SIL1: variants seen among roughly 807,000 people sequenced by gnomAD.
SIL1 encodes SIL1 nucleotide exchange factor.
SIL1 carries 40 observed loss-of-function variants against 49.1 expected under a neutral mutation model. The observed-to-expected ratio is 0.81, with a 90% CI of 0.63 to 1.06. The LOEUF (loss-of-function observed/expected upper bound fraction) is 1.06. SIL1 is among the 50% of genes least tolerant of loss of function. The pLI is 0.00. For missense variants in SIL1, 500 were observed against 572.6 expected (o/e 0.87, Z 1.29); for synonymous variants, 253 against 250.8 (o/e 1.01, Z -0.08).
At position 139,020,603 on chromosome 5, in the gene SIL1, C is replaced by T. The variant is rs569253108; in HGVS notation, c.767+568G>A. On this transcript the variant is annotated intron_variant, in intron 7 of 9. Transcript: ENST00000394817. ...CAGGTGGTGTAGAATGATGTGGTGC[C>T]TACATATCTTTTGGCATCTACTCTT... Among the ~76,000 whole-genome samples the T allele has an allele frequency of 2.0e-5, 3 of 152,250 alleles. No homozygotes were observed. In the South Asian group the frequency reaches 6.2e-4, roughly 32 times the overall value.
intron 1 of SIL1, chr5:139,137,431 C>A (rs1750997143): frequency 3.0e-6 from 2 of 667,606 alleles, no homozygotes; most frequent in Non-Finnish European, 5.5e-6. Context: ...CTCGAGGGGT[C>A]TGTGAAATCA....
intron 4 of SIL1, among the ~76,000 whole-genome samples, chr5:139,048,219 C>T (rs973655432): frequency 2.0e-5 from 3 of 151,894 alleles, no homozygotes; most frequent in Middle Eastern, 3.2e-3. Flanking sequence ...GGCATAATCA[C>T]GGCTTATTGC....
intron 1 of SIL1, among the ~76,000 whole-genome samples, chr5:139,153,474 G>A (rs569670652): frequency 2.0e-5 from 3 of 152,186 alleles, no homozygotes; most frequent in Non-Finnish European, 4.4e-5. Flanking sequence ...CAAAAGAGAT[G>A]TTTAATAAAT....
In SIL1 at chr5:139,137,328, C is replaced by T. The variant is rs574050964; in HGVS notation, c.-10-9475G>A. On this transcript the variant is annotated intron_variant, in intron 1 of 9. Transcript: ENST00000394817. ...ACCAAAATTCAGAGAGGTTAAGTAA[C>T]GTGCCAGAGTTCATGCAGCCACAGA... The T allele has an allele frequency of 5.3e-5, 37 of 702,470 alleles. No individual in the cohort carries two copies. In the East Asian group the frequency reaches 6.7e-4, roughly 13 times the overall value. 43.5% of individuals were successfully genotyped at this position (702,470 alleles called of 1,614,324 possible).
At chr5:139,002,237 A>G (rs1391739769) in intron 7 of SIL1, among the ~76,000 whole-genome samples, 1 of 152,002 alleles carries the variant, frequency 6.6e-6, no homozygotes, top group African/African-American at 2.4e-5. Context: ...GATATGATAC[A>G]CACCAAATTC....
At position 139,077,767 on chromosome 5, in the gene SIL1, C is replaced by T. The variant is rs577641705; in HGVS notation, c.245-26721G>A. Among the ~76,000 whole-genome samples, 3 of 152,290 alleles carry T rather than the reference C, an allele frequency of 2.0e-5. No individual in the cohort carries two copies. In the South Asian group the frequency reaches 6.2e-4, roughly 32 times the overall value. Reference sequence around the variant, plus strand: ...TCAAAAAGACACTTGATAACCCCAACACACCCAAAATCCTACTAATCAAAT... The same window carrying T: ...TCAAAAAGACACTTGATAACCCCAATACACCCAAAATCCTACTAATCAAAT... On this transcript the variant is annotated intron_variant, in intron 3 of 9. Transcript: ENST00000394817.
chr5:139,073,881 C>T (rs1769887132), intron 3 of SIL1, among the ~76,000 whole-genome samples: 1 of 150,312 alleles, frequency 6.7e-6, no homozygotes, highest in Non-Finnish European at 1.5e-5. Context: ...GCCTGGGCAA[C>T]AAGAGCAAAA....
chr5:138,951,750 C>G (rs1157304665), intron 8 of SIL1, 38 bp downstream of exon 8: 1 of 1,584,498 alleles, frequency 6.3e-7, no homozygotes, highest in African/African-American at 1.3e-5. Context: ...CCACACGTGT[C>G]CTGGAGGCTG....
chr5:138,947,131 T>C lies in SIL1; in HGVS notation c.1372A>G (p.Lys458Glu). 6.2e-7 allele frequency: 1 copy of C among 1,613,320 alleles called. No homozygotes were observed. The highest frequency in any genetic ancestry group is 8.5e-7 in the Non-Finnish European group (1 of 1,179,690). The stretch of plus-strand genomic sequence containing the variant: ...GGTGTGGGGCCTCATCTCAGCTCCT[T>C]CAGCAAGCTGTTGACAGAGCCCAGC... ...ELLGSVNSLL[K>E]ELR The change falls in exon 10 of 10, where the codon AAG (lysine) becomes GAG (glutamate). Residue 458 changes from lysine to glutamate, a missense_variant. By Grantham distance (56) the Lys-to-Glu change is moderately conservative. Coordinates refer to ENST00000394817, the MANE Select transcript of SIL1 (RefSeq NM_022464.5). This position sits in a 1 kb window ranked among gnomAD's most constrained non-coding sequence, Gnocchi z 4.1.
chr5:139,083,524 G>T (rs1206492592), intron 3 of SIL1, among the ~76,000 whole-genome samples: 3 of 108,648 alleles, frequency 2.8e-5, no homozygotes, highest in Admixed American at 1.0e-4. Context: ...TTTTGATGGG[G>T]TTGTTTGTTT....
chr5:139,121,048 C>T lies in SIL1; in HGVS notation c.231G>A (p.Gln77=). 6.2e-7 allele frequency: 1 copy of T among 1,614,136 alleles called. No individual in the cohort carries two copies. The highest frequency in any genetic ancestry group is 1.1e-5 in the South Asian group (1 of 91,068). ...LEVFHPTHEW[Q]ALQPGQAVPA... ...TGGGCCTGATACCTGGCTGAAGGGC[C>T]TGCCACTCATGCGTCGGGTGGAACA... The change falls in exon 3 of 10, where the codon CAG becomes CAA. Residue 77 remains glutamine, a synonymous_variant. Coordinates refer to ENST00000394817, the MANE Select transcript of SIL1 (RefSeq NM_022464.5).
chr5:138,951,210 C>T lies in SIL1; in HGVS notation c.990G>A (p.Val330=), dbSNP rs1405370979. The change falls in exon 9 of 10, where the codon GTG becomes GTA. Residue 330 remains valine (V), a synonymous_variant. Coordinates refer to ENST00000394817, the MANE Select transcript of SIL1 (RefSeq NM_022464.5). ...VQEKGTEVLA[V]RVVTLLYDLV... ...GGTCGTAGAGCAGTGTGACCACGCG[C>T]ACGGCGAGCACCTCCGTGCCCTTCT... 6.2e-7 allele frequency: 1 copy of T among 1,609,946 alleles called. No homozygotes were observed. Among genetic ancestry groups the T allele is most frequent in the Non-Finnish European group, 8.5e-7 (1 of 1,178,128 alleles).
chr5:139,062,255 A>G (rs1347213578), intron 3 of SIL1, among the ~76,000 whole-genome samples: 1 of 152,196 alleles, frequency 6.6e-6, no homozygotes, highest in Non-Finnish European at 1.5e-5. Flanking sequence ...TTTTTTAAAC[A>G]GCAAAATACA....
At chr5:139,002,977 AT>A (rs1039478398) in intron 7 of SIL1, among the ~76,000 whole-genome samples, 1 of 152,142 alleles carries the variant, frequency 6.6e-6, no homozygotes, top group East Asian at 1.9e-4. Context: ...TATCTGTTTT[AT>A]GGCCTAACTC....
intron 1 of SIL1, among the ~76,000 whole-genome samples, chr5:139,178,253 A>G (rs998763158): frequency 1.3e-5 from 2 of 152,230 alleles, no homozygotes; most frequent in Non-Finnish European, 2.9e-5. Context: ...ATTGCCATTT[A>G]GCTGACTGAA....
In SIL1 at chr5:138,990,982, T is replaced by C. The variant is rs553040306; in HGVS notation, c.767+30189A>G. On this transcript the variant is annotated intron_variant, in intron 7 of 9. Coordinates refer to ENST00000394817, the MANE Select transcript of SIL1 (RefSeq NM_022464.5). ...CCGCCTGCCTCAGCTTCCTAAAGTG[T>C]TGGGATTACAGGCGTTAGCCACCAT... Among the ~76,000 whole-genome samples, 124 of 152,354 alleles carry C rather than the reference T, an allele frequency of 8.1e-4. 2 individuals carry two copies. Among genetic ancestry groups the C allele is most frequent in the Admixed American group, 3.1e-3 (47 of 15,306 alleles).
intron 3 of SIL1, among the ~76,000 whole-genome samples, chr5:139,068,399 C>A (rs13187096): frequency 0.26 from 39,708 of 152,104 alleles, 6,090 homozygotes; most frequent in Middle Eastern, 0.4. Flanking sequence ...GGGGCCACAG[C>A]TGTCTAGTCC....
chr5:139,104,763 G>C (rs915685343), intron 3 of SIL1, among the ~76,000 whole-genome samples: 1 of 152,162 alleles, frequency 6.6e-6, no homozygotes, highest in African/African-American at 2.4e-5. Flanking sequence ...TAAGGATTAA[G>C]ACTTAAGGCC....
At chr5:139,006,602 C>A (rs1561824813) in intron 7 of SIL1, among the ~76,000 whole-genome samples, 1 of 151,190 alleles carries the variant, frequency 6.6e-6, no homozygotes, top group African/African-American at 2.4e-5. Flanking sequence ...ACGTTTAAAT[C>A]TTTTTTTTTA....
Sources: gnomAD v4.1 joint callset for allele counts (sites outside exome capture counted in the v4.1 genomes callset) on GRCh38, gnomAD v4.1.1 for gene constraint, Gnocchi (gnomAD v3.1) non-coding constraint, MANE v1.5 for transcripts, NCBI Gene and HGNC (gene_info 2026-07-23, HGNC 2026-07-21) for gene names.